Variants in NSD3 observed in about 807,000 individuals in gnomAD.
NSD3 encodes the protein histone-lysine N-methyltransferase NSD3.
In NSD3, 24 loss-of-function variants were observed where a neutral mutation model predicts 160.8. That is an observed-to-expected ratio of 0.15 (90% CI 0.11 to 0.21). The LOEUF is 0.21. NSD3 is among the 10% of genes least tolerant of loss of function. The probability of loss-of-function intolerance (pLI) is 1.00; values close to 1 mark genes in which losing one functional copy is unlikely to be tolerated. For synonymous variants in NSD3, 520 were observed against 600.0 expected (o/e 0.87, Z 1.95); for missense variants, 1,157 against 1,735.9 (o/e 0.67, Z 5.93).
intron 1 of NSD3, among the ~76,000 whole-genome samples, chr8:38,358,424 C>CCACA (rs1563367344): frequency 6.6e-6 from 1 of 152,084 alleles, no homozygotes; most frequent in South Asian, 2.1e-4. Context: ...TATGATAAAT[C>CCACA]CACACTCAAT....
At chr8:38,375,278 G>C (rs1811362720) in intron 1 of NSD3, among the ~76,000 whole-genome samples, 2 of 152,090 alleles carry the variant, frequency 1.3e-5, no homozygotes, top group South Asian at 2.1e-4. Context: ...ATATTAGAAG[G>C]GGGAAAAGTT....
chr8:38,371,338 T>C (rs1811238939), intron 1 of NSD3, among the ~76,000 whole-genome samples: 1 of 152,158 alleles, frequency 6.6e-6, no homozygotes, highest in Non-Finnish European at 1.5e-5. Flanking sequence ...TTTGGAGAAG[T>C]TCAAGTTTTC....
intron 16 of NSD3, among the ~76,000 whole-genome samples, chr8:38,291,805 C>T (rs1339871652): frequency 6.6e-6 from 1 of 152,176 alleles, no homozygotes; most frequent in Admixed American, 6.5e-5. Flanking sequence ...TCCAGGTCCT[C>T]ATATTTTCCC....
intron 1 of NSD3, among the ~76,000 whole-genome samples, chr8:38,374,959 G>A (rs1811352393): frequency 6.6e-6 from 1 of 152,006 alleles, no homozygotes; most frequent in African/African-American, 2.4e-5. Flanking sequence ...AGCCGAGATC[G>A]CGCCCCTGCA....
chr8:38,326,201 CT>C (rs1382080360), intron 7 of NSD3, among the ~76,000 whole-genome samples: 2 of 151,982 alleles, frequency 1.3e-5, no homozygotes, highest in Non-Finnish European at 2.9e-5. Context: ...AATACAGTCA[CT>C]TCTCCTTTAA....
At chr8:38,302,216 T>A (rs1322260678) in intron 14 of NSD3, among the ~76,000 whole-genome samples, 1 of 152,194 alleles carries the variant, frequency 6.6e-6, no homozygotes, top group Admixed American at 6.5e-5. Context: ...CAAAACAAGC[T>A]AAGTTTTCTA....
Position 38,331,604 on chromosome 8 carries a change from A to C in NSD3, c.911-19T>G. ...CGGGCACCTGTAAGTAAAAATTCTTATTAACCATTTCAGAACATAAGCATT... is the reference window on the plus strand; with the variant it reads ...CGGGCACCTGTAAGTAAAAATTCTTCTTAACCATTTCAGAACATAAGCATT... On this transcript the variant is annotated intron_variant, in intron 4 of 23. Transcript: ENST00000317025. 1.2e-6 allele frequency: 2 copies of C among 1,608,498 alleles called. No homozygotes were observed. Among genetic ancestry groups the C allele is most frequent in the Non-Finnish European group, 1.7e-6 (2 of 1,178,358 alleles).
intron 12 of NSD3, among the ~76,000 whole-genome samples, chr8:38,308,372 T>C (rs1355344308): frequency 6.6e-6 from 1 of 152,146 alleles, no homozygotes; most frequent in Non-Finnish European, 1.5e-5. Context: ...TTAAGGCCAA[T>C]AAAGTACATT....
chr8:38,347,647 G>A lies in NSD3; in HGVS notation c.525C>T (p.Asp175=). The change falls in exon 2 of 24, where the codon GAC becomes GAT. Residue 175 remains aspartate, a synonymous_variant. Transcript: ENST00000317025. ...RELFESSLCG[D]LLNEVQASEH... is the part of the protein sequence containing the mutation. Reference sequence around the variant, plus strand: ...CACTTGCCTGTACTTCATTTAAAAGGTCTCCACAAAGGGAAGACTCAAACA... The same window carrying A: ...CACTTGCCTGTACTTCATTTAAAAGATCTCCACAAAGGGAAGACTCAAACA... 1 of 1,613,492 alleles carries A rather than the reference G, an allele frequency of 6.2e-7. No homozygotes were observed. The highest frequency in any genetic ancestry group is 2.2e-5 in the East Asian group (1 of 44,886).
intron 12 of NSD3, among the ~76,000 whole-genome samples, chr8:38,313,644 C>T (rs1220427772): frequency 6.6e-6 from 1 of 151,790 alleles, no homozygotes; most frequent in Non-Finnish European, 1.5e-5. Flanking sequence ...AAAAATTAGC[C>T]AGGCGTGGTG....
At chr8:38,309,334 GGT>G (rs1381501864) in intron 12 of NSD3, among the ~76,000 whole-genome samples, 1 of 152,198 alleles carries the variant, frequency 6.6e-6, no homozygotes, top group Non-Finnish European at 1.5e-5. Flanking sequence ...CGGGCGTGGT[GGT>G]GTGTGCTTGT....
At chr8:38,282,175 TTG>T (rs998160618) in intron 19 of NSD3, among the ~76,000 whole-genome samples, 1 of 152,198 alleles carries the variant, frequency 6.6e-6, no homozygotes, top group African/African-American at 2.4e-5. Flanking sequence ...ATGCATACAT[TTG>T]TGTGTGTATA....
At chr8:38,320,431 T>C (rs988496341) in intron 8 of NSD3, 3 of 152,124 alleles carry the variant, frequency 2.0e-5, no homozygotes, top group Non-Finnish European at 4.4e-5. Flanking sequence ...TAAAATTTTA[T>C]TTGAAAAGTT....
intron 1 of NSD3, among the ~76,000 whole-genome samples, chr8:38,367,035 A>G (rs1419141431): frequency 3.3e-5 from 5 of 152,224 alleles, no homozygotes; most frequent in Admixed American, 3.3e-4. Flanking sequence ...AAATCTGTTA[A>G]TATTACTGTG....
intron 16 of NSD3, 103 bp downstream of exon 16, chr8:38,295,693 C>T: frequency 9.3e-7 from 1 of 1,077,298 alleles, no homozygotes; most frequent in Non-Finnish European, 1.3e-6. Context: ...GGAAGTAGGT[C>T]CATGCTGTCT....
intron 15 of NSD3, 52 bp from the exon 16 acceptor site, chr8:38,296,004 G>A (rs770765536): frequency 2.0e-6 from 3 of 1,508,934 alleles, no homozygotes; most frequent in African/African-American, 1.4e-5. Flanking sequence ...GAGAGAAAAA[G>A]AAAGAAAAAG....
intron 1 of NSD3, among the ~76,000 whole-genome samples, chr8:38,363,537 G>A (rs1366696423): frequency 6.6e-6 from 1 of 151,286 alleles, no homozygotes; most frequent in Non-Finnish European, 1.5e-5. Context: ...AGCTACTCTG[G>A]AGGCTGAGGC....
intron 20 of NSD3, among the ~76,000 whole-genome samples, chr8:38,280,447 G>A (rs1020912820): frequency 6.6e-6 from 1 of 152,068 alleles, no homozygotes; most frequent in African/African-American, 2.4e-5. Context: ...AAACAATGAC[G>A]TATCAGTTAA....
chr8:38,333,174 T>A (rs541097176), intron 4 of NSD3, among the ~76,000 whole-genome samples: 1 of 152,348 alleles, frequency 6.6e-6, no homozygotes, highest in East Asian at 1.9e-4. Context: ...TTTCTTCAGA[T>A]ATGAACAGAT....
Sources: gnomAD v4.1 joint callset for allele counts (sites outside exome capture counted in the v4.1 genomes callset) on GRCh38, gnomAD v4.1.1 for gene constraint, MANE v1.5 for transcripts, NCBI Gene and HGNC (gene_info 2026-07-23, HGNC 2026-07-21) for gene names.